The following MINAR1 variants were observed in gnomAD, a reference collection of about 807,000 sequenced individuals.
The protein encoded by MINAR1 is membrane integral NOTCH2 associated receptor 1.
MINAR1 carries 40 observed loss-of-function variants against 65.1 expected under a neutral mutation model. That is an observed-to-expected ratio of 0.61 (90% confidence interval 0.48 to 0.80). MINAR1 has a LOEUF of 0.80. Among genes scored for constraint, MINAR1 ranks in the 30% least tolerant of loss-of-function variants. The pLI, the probability that MINAR1 is intolerant of heterozygous loss-of-function variation, is 0.00. For missense variants in MINAR1, 1,128 were observed against 1,148.0 expected (o/e 0.98, Z 0.25); for synonymous variants, 482 against 449.1 (o/e 1.07, Z -0.93).
At chr15:79,415,733 G>A in the MINAR1 span, 1 of 152,272 alleles carries the variant, frequency 6.6e-6, no homozygotes, top group Admixed American at 6.5e-5. Flanking sequence ...AGGGGCTCAC[G>A]TCTGAGTGTG....
the MINAR1 span, chr15:79,415,790 T>C: frequency 6.6e-6 from 1 of 152,274 alleles, no homozygotes; most frequent in Admixed American, 6.5e-5. Flanking sequence ...TCAAGAAGCA[T>C]GAAACAGAAA....
At position 79,458,183 on chromosome 15, in the gene MINAR1, C is replaced by T. The variant is rs1895509181; in HGVS notation, c.2036C>T (p.Pro679Leu). Residue 679 changes from proline (P) to leucine (L), a missense_variant, in exon 2 of 4, where the codon CCT (proline) becomes CTT (leucine). Physicochemically the swap from Pro to Leu is moderately conservative, Grantham distance 98 (BLOSUM62 -3). Coordinates refer to ENST00000305428, the MANE Select transcript of MINAR1 (RefSeq NM_015206.3). ...CACGGACCCAAACTAGAGAACAACC[C>T]TGACTGGTGCTGCTCTGATGCTAGC... ...GSHGPKLENNPDWCCSDASGS... is the reference protein window; with the variant it reads ...GSHGPKLENNLDWCCSDASGS... 1 of 1,614,024 alleles carries T rather than the reference C, an allele frequency of 6.2e-7. No homozygotes were observed. Among genetic ancestry groups the T allele is most frequent in the Non-Finnish European group, 8.5e-7 (1 of 1,180,040 alleles).
chr15:79,431,704 C>T (rs1250926856), upstream of MINAR1, among the ~76,000 whole-genome samples: 1 of 152,236 alleles, frequency 6.6e-6, no homozygotes, highest in Non-Finnish European at 1.5e-5. Flanking sequence ...ACACTCTTCG[C>T]CCCTGCTTGC....
intron 3 of MINAR1, among the ~76,000 whole-genome samples, chr15:79,464,068 C>T (rs904808227): frequency 6.6e-6 from 1 of 152,094 alleles, no homozygotes; most frequent in Admixed American, 6.5e-5. Flanking sequence ...CTGTGGAGAT[C>T]GGGTATGGCA....
intron 1 of MINAR1, among the ~76,000 whole-genome samples, chr15:79,436,412 G>A (rs746934088): frequency 2.6e-4 from 40 of 152,180 alleles, no homozygotes; most frequent in Admixed American, 5.2e-4. Flanking sequence ...ACTCAGGTTA[G>A]TCTTTTAGAG....
At chr15:79,426,097 A>G in the MINAR1 span, 12 of 152,286 alleles carry the variant, frequency 7.9e-5, no homozygotes, top group African/African-American at 2.4e-4. Flanking sequence ...TACTGAACGG[A>G]TATCAGGAGC....
rs547206055 is a variant in MINAR1 at position 79,440,881 on chromosome 15, G to C, written c.-51+8341G>C. On this transcript the variant is annotated intron_variant, in intron 1 of 3. Transcript: ENST00000305428. ...TACTTTTCTATTTCGCTTATTATCT[G>C]TCTCCCCCACTAGATTATAAGCTCA... 5.3e-5 allele frequency among the ~76,000 whole-genome samples: 8 copies of C among 151,988 alleles called. No individual in the cohort carries two copies. The East Asian group carries it at 1.5e-3, about 29-fold the overall frequency.
Position 79,469,553 on chromosome 15 carries a change from CTATA to C in MINAR1, c.*1171_*1174del, listed in dbSNP as rs1895999742. 6.6e-6 allele frequency: 1 copy of C among 152,452 alleles called. No homozygotes were observed. Among genetic ancestry groups the C allele is most frequent in the Non-Finnish European group, 1.5e-5 (1 of 68,038 alleles). The allele number at this position is 152,452 out of a possible 1,614,324, so 9.4% of individuals were successfully genotyped here. ...CTTATCTATATGTCTATCTATCTATCTATATGTCTATCTATCTATCTAAATACTT... is the reference window on the plus strand; with the variant it reads ...CTTATCTATATGTCTATCTATCTATCTGTCTATCTATCTATCTAAATACTT... On this transcript the variant is annotated 3_prime_UTR_variant, in exon 4 of 4. Transcript: ENST00000305428.
At chr15:79,420,967 T>C in the MINAR1 span, 1 of 152,302 alleles carries the variant, frequency 6.6e-6, no homozygotes, top group Admixed American at 6.5e-5. Context: ...AGAATCTACA[T>C]TGGACTTCTG....
At chr15:79,441,032 T>G (rs779250959) in intron 1 of MINAR1, among the ~76,000 whole-genome samples, 1 of 152,180 alleles carries the variant, frequency 6.6e-6, no homozygotes, top group Non-Finnish European at 1.5e-5. Flanking sequence ...TATGGATGTC[T>G]CATTTGACCT....
Position 79,466,076 on chromosome 15 carries a change from G to GCC in MINAR1, c.2554-2111_2554-2110insCC, listed in dbSNP as rs1217255270. On this transcript the variant is annotated intron_variant, in intron 3 of 3. Coordinates refer to ENST00000305428, the MANE Select transcript of MINAR1 (RefSeq NM_015206.3). ...AGTTTCTTGCAAAGGCTGAAGGGTT[G>GCC]GACAGAGCACTCTGCACAATAGGGA... 3.4e-3 allele frequency among the ~76,000 whole-genome samples: 515 copies of GCC among 152,228 alleles called. 2 individuals carry two copies. Among genetic ancestry groups the GCC allele is most frequent in the African/African-American group, 0.012 (488 of 41,524 alleles).
rs751295600 is a variant in MINAR1 at position 79,468,322 on chromosome 15, G to A, written c.2689G>A (p.Ala897Thr). ...GGTCTGCAAGATAGCTGCTCTGATC[G>A]CTGCTGCGGCATGCACCGTCATCCT... ...AKVCKIAALI[A>T]AAACTVILVI... The change falls in exon 4 of 4, where the codon GCT (alanine) becomes ACT (threonine). Residue 897 changes from alanine (A) to threonine (T), a missense_variant. Ala to Thr is a moderately conservative substitution (Grantham distance 58, BLOSUM62 0). Transcript: ENST00000305428. 4 of 1,613,950 alleles carry A rather than the reference G, an allele frequency of 2.5e-6. No individual in the cohort carries two copies. The highest frequency in any genetic ancestry group is 2.7e-5 in the African/African-American group (2 of 74,924).
intron 1 of MINAR1, among the ~76,000 whole-genome samples, chr15:79,455,019 C>CA (rs1230802843): frequency 1.3e-5 from 2 of 151,638 alleles, no homozygotes; most frequent in African/African-American, 2.4e-5. Context: ...TGAAGTGAAT[C>CA]AAAAAAATAA....
At chr15:79,450,335 T>C (rs1895150122) in intron 1 of MINAR1, among the ~76,000 whole-genome samples, 1 of 152,022 alleles carries the variant, frequency 6.6e-6, no homozygotes, top group Non-Finnish European at 1.5e-5. Flanking sequence ...AGAAACAAGT[T>C]TTAGTGGGGG....
intron 1 of MINAR1, among the ~76,000 whole-genome samples, chr15:79,454,028 G>C (rs1009857788): frequency 1.3e-5 from 2 of 152,178 alleles, no homozygotes; most frequent in African/African-American, 4.8e-5. Flanking sequence ...CACTGGTCCT[G>C]TGCTCTGATA....
intron 1 of MINAR1, among the ~76,000 whole-genome samples, chr15:79,437,901 G>A (rs1894678151): frequency 2.8e-5 from 1 of 35,656 alleles, no homozygotes; most frequent in Non-Finnish European, 5.9e-5. Flanking sequence ...TGTGGAGTGT[G>A]GGGTGGGTAG....
intron 1 of MINAR1, among the ~76,000 whole-genome samples, chr15:79,441,439 T>C (rs899533332): frequency 3.3e-5 from 5 of 152,324 alleles, no homozygotes; most frequent in African/African-American, 1.2e-4. Flanking sequence ...TATTCTATCA[T>C]ACGGATGCAC....
At position 79,468,378 on chromosome 15, in the gene MINAR1, A is replaced by G. The variant is rs1052210147; in HGVS notation, c.2745A>G (p.Lys915=). ...LVIVVPICTM[K]S ...TTGTCGTGCCCATCTGCACAATGAA[A>G]TCATGAGCTAAGAATGCAACCTTAC... The change falls in exon 4 of 4, where the codon AAA becomes AAG. Residue 915 remains lysine, a synonymous_variant. Transcript: ENST00000305428. The G allele has an allele frequency of 2.5e-6, 4 of 1,613,698 alleles. No homozygotes were observed. In the African/African-American group the frequency reaches 4.0e-5, roughly 16 times the overall value.
At chr15:79,421,778 C>T in the MINAR1 span, 2 of 152,406 alleles carry the variant, frequency 1.3e-5, no homozygotes, top group East Asian at 1.9e-4. Context: ...TGCCCACCTG[C>T]CTGTACAAAT....
Sources: allele counts gnomAD v4.1 joint callset (sites outside exome capture counted in the v4.1 genomes callset), GRCh38; gene constraint gnomAD v4.1.1; transcripts MANE v1.5; gene names NCBI Gene and HGNC (gene_info 2026-07-23, HGNC 2026-07-21).